Variants in CCDC18 observed in about 807,000 individuals in gnomAD.
CCDC18 encodes coiled-coil domain-containing protein 18.
In CCDC18, 157 loss-of-function variants were observed where a neutral mutation model predicts 196.0. That is an observed-to-expected ratio of 0.80 (90% CI 0.70 to 0.91). The LOEUF (loss-of-function observed/expected upper bound fraction) is 0.91. Ranked by LOEUF, CCDC18 falls within the 40% of genes least tolerant of loss-of-function variation. CCDC18 has a pLI of 0.00. For synonymous variants in CCDC18, 482 were observed against 529.2 expected, an observed-to-expected ratio of 0.91 and a Z score of 1.22; for missense variants, 1,465 against 1,611.6, an observed-to-expected ratio of 0.91 and a Z score of 1.56.
intron 28 of CCDC18, chr1:93,271,365 C>A: frequency 1.0e-6 from 1 of 984,730 alleles, no homozygotes; most frequent in Non-Finnish European, 1.2e-6. Context: ...TTCTTTTGTC[C>A]CTTTTCTCTT....
intron 19 of CCDC18, among the ~76,000 whole-genome samples, chr1:93,238,850 T>C (rs904365232): frequency 7.2e-5 from 11 of 152,188 alleles, no homozygotes; most frequent in African/African-American, 2.4e-4. Context: ...TAGGAATCTC[T>C]AGTTCCTTTT....
intron 27 of CCDC18, chr1:93,269,748 T>C (rs1665039138): frequency 1.3e-5 from 2 of 152,180 alleles, no homozygotes; most frequent in South Asian, 2.1e-4. Context: ...TTAGTGTATG[T>C]AGTCTCATTC....
At chr1:93,193,890 T>G (rs1417214438) in intron 6 of CCDC18, 146 bp downstream of exon 6, 4 of 557,128 alleles carry the variant, frequency 7.2e-6, no homozygotes, top group Non-Finnish European at 1.2e-5. Context: ...TCTATTAATT[T>G]TTTTAAATTT....
chr1:93,220,619 C>T (rs1423850284), intron 14 of CCDC18, among the ~76,000 whole-genome samples: 3 of 152,062 alleles, frequency 2.0e-5, no homozygotes, highest in Non-Finnish European at 4.4e-5. Context: ...CTACATTTTG[C>T]CTTTTTTTCT....
intron 26 of CCDC18, among the ~76,000 whole-genome samples, chr1:93,259,682 A>G (rs543469511): frequency 1.3e-5 from 2 of 152,188 alleles, no homozygotes; most frequent in Admixed American, 6.6e-5. Flanking sequence ...AACAAAACAT[A>G]TTTACAAGCT....
Position 93,252,011 on chromosome 1 carries a change from ATCTG to A in CCDC18, c.3199-2452_3199-2449del, listed in dbSNP as rs200105789. Among the ~76,000 whole-genome samples, 189 of 130,600 alleles carry A rather than the reference ATCTG, an allele frequency of 1.4e-3. 6 individuals are homozygous for A. In the East Asian group the frequency reaches 0.033, roughly 23 times the overall value. The allele number at this position is 130,600 out of a possible 152,430, so 85.7% of individuals were successfully genotyped here. On this transcript the variant is annotated intron_variant, in intron 23 of 28. Transcript: ENST00000690025. Reference sequence around the variant, plus strand: ...CACTGTGTAGTCTATTTATCTATCTATCTGTCTGTCTATCTATCTATCTATCTAT... The same window carrying A: ...CACTGTGTAGTCTATTTATCTATCTATCTGTCTATCTATCTATCTATCTAT...
At chr1:93,264,298 C>T (rs550112832) in intron 26 of CCDC18, among the ~76,000 whole-genome samples, 1 of 152,264 alleles carries the variant, frequency 6.6e-6, no homozygotes, top group South Asian at 2.1e-4. Context: ...CAAACTGTAA[C>T]ATAGCTCTAA....
intron 25 of CCDC18, among the ~76,000 whole-genome samples, 166 bp from the exon 26 acceptor site, chr1:93,258,582 T>A (rs191545434): frequency 9.8e-4 from 150 of 152,318 alleles, no homozygotes; most frequent in Admixed American, 1.4e-3. Flanking sequence ...ATTAATAGTC[T>A]CTGAAATGTC....
At chr1:93,193,464 G>A (rs1170194972) in intron 5 of CCDC18, 152 bp from the exon 6 acceptor site, 1 of 466,740 alleles carries the variant, frequency 2.1e-6, no homozygotes, top group East Asian at 3.8e-5. Flanking sequence ...TAATTAACAA[G>A]TGATGAATAT....
chr1:93,227,965 A>ATATATATATAT (rs1488905280), intron 17 of CCDC18, among the ~76,000 whole-genome samples: 1 of 115,350 alleles, frequency 8.7e-6, no homozygotes, highest in South Asian at 2.4e-4. Flanking sequence ...CTCAAAAAAA[A>ATATATATATAT]AAAAAAATAT....
intron 24 of CCDC18, 138 bp downstream of exon 24, chr1:93,254,752 A>G (rs1373962834): frequency 1.3e-6 from 1 of 796,342 alleles, no homozygotes; most frequent in Non-Finnish European, 2.1e-6. Flanking sequence ...TGTGCCAGAA[A>G]CCTGTTAGTT....
upstream of CCDC18, chr1:93,180,167 C>A: frequency 6.2e-7 from 1 of 1,612,970 alleles, no homozygotes; most frequent in Non-Finnish European, 8.5e-7. Flanking sequence ...GTGAAGCCGG[C>A]CGCCCCAGGC....
chr1:93,229,876 C>T (rs1046970931), intron 17 of CCDC18, among the ~76,000 whole-genome samples: 8 of 151,950 alleles, frequency 5.3e-5, no homozygotes, highest in Admixed American at 3.3e-4. Flanking sequence ...AAAGTAGATG[C>T]GACTAAGCCT....
rs761767113 is a variant in CCDC18 at position 93,186,499 on chromosome 1, CA to C, written c.462del (p.Val155PhefsTer17). On this transcript the variant is annotated frameshift_variant, in exon 4 of 29. Transcript: ENST00000690025. LOFTEE classifies it high-confidence loss of function. Reference sequence around the variant, plus strand: ...CACTTTGAATTAACACAGTCAAGAGCAAAAGTATGTATCTTGAAATAAGTTT... The same window carrying C: ...CACTTTGAATTAACACAGTCAAGAGCAAAGTATGTATCTTGAAATAAGTTT... ...SIHFELTQSR[A>X]KVSMLESAQQ... 1.2e-5 allele frequency: 19 copies of C among 1,590,066 alleles called. No individual in the cohort carries two copies. In the South Asian group the frequency reaches 2.2e-4, roughly 18 times the overall value.
chr1:93,226,532 TATATATA>T (rs1658355519), intron 17 of CCDC18, 83 bp downstream of exon 17: 1 of 367,454 alleles, frequency 2.7e-6, no homozygotes, highest in Non-Finnish European at 5.0e-6. Flanking sequence ...AAAATATATA[TATATATA>T]TATATTTCTT....
chr1:93,206,556 C>T (rs532970505), intron 8 of CCDC18, among the ~76,000 whole-genome samples: 20 of 151,974 alleles, frequency 1.3e-4, no homozygotes, highest in Middle Eastern at 3.4e-3. Flanking sequence ...GGAGTCTAAC[C>T]CTCTAAAATG....
At chr1:93,236,458 G>C (rs1193348015) in intron 19 of CCDC18, 68 bp downstream of exon 19, 7 of 1,463,016 alleles carry the variant, frequency 4.8e-6, no homozygotes, top group Non-Finnish European at 5.6e-6. Flanking sequence ...TTTGAAATCA[G>C]ATAATGTTCA....
rs190575606 is a variant in CCDC18 at position 93,266,451 on chromosome 1, A to G, written c.3885+1550A>G. Among the ~76,000 whole-genome samples the G allele has an allele frequency of 5.8e-3, 879 of 152,352 alleles. 6 individuals are homozygous for G. Among genetic ancestry groups the G allele is most frequent in the Non-Finnish European group, 8.5e-3 (578 of 68,034 alleles). On this transcript the variant is annotated intron_variant, in intron 27 of 28. Coordinates refer to ENST00000690025, the MANE Select transcript of CCDC18 (RefSeq NM_001378204.1). ...CAAGAAATAAGTAAGATCAGAGCAG[A>G]ACTGAAGGAGATAGAGACACAAAAA...
rs1346011808 is a variant in CCDC18 at position 93,273,242 on chromosome 1, G to T, written c.4353+2428G>T. ...CGCCACCACGCCCGGCTAATTTTTT[G>T]TATTTTTAGTAGAGACGGGGTTTCA... On this transcript the variant is annotated intron_variant, in intron 28 of 28. Coordinates refer to ENST00000690025, the MANE Select transcript of CCDC18 (RefSeq NM_001378204.1). Among the ~76,000 whole-genome samples, 3 of 152,110 alleles carry T rather than the reference G, an allele frequency of 2.0e-5. No individual in the cohort carries two copies. In the East Asian group the frequency reaches 5.8e-4, roughly 29 times the overall value.
Sources: gnomAD v4.1 joint callset for allele counts (sites outside exome capture counted in the v4.1 genomes callset) on GRCh38, gnomAD v4.1.1 for gene constraint, MANE v1.5 for transcripts, NCBI Gene and HGNC (gene_info 2026-07-23, HGNC 2026-07-21) for gene names.